KIAA1217: variants seen among roughly 807,000 people sequenced by gnomAD.
The protein encoded by KIAA1217 is sickle tail protein homolog.
KIAA1217 carries 88 observed loss-of-function variants against 163.9 expected under a neutral mutation model. That is an observed-to-expected ratio of 0.54 (90% CI 0.45 to 0.64). KIAA1217 has a LOEUF of 0.64. Among genes scored for constraint, KIAA1217 ranks in the 30% least tolerant of loss-of-function variants. The probability of loss-of-function intolerance (pLI) is 0.00; values close to 1 mark genes in which losing one functional copy is unlikely to be tolerated. For synonymous variants in KIAA1217, 903 were observed against 923.1 expected (o/e 0.98, Z 0.39); for missense variants, 2,372 against 2,475.0 (o/e 0.96, Z 0.88).
chr10:24,522,391 T>G (rs2134628551), intron 12 of KIAA1217, among the ~76,000 whole-genome samples: 2 of 152,248 alleles, frequency 1.3e-5, no homozygotes, highest in Middle Eastern at 6.8e-3. Context: ...TTGATTGAAA[T>G]AGTTTATTAG....
chr10:23,798,871 G>A (rs1446327409), intron 1 of KIAA1217, among the ~76,000 whole-genome samples: 2 of 152,184 alleles, frequency 1.3e-5, no homozygotes, highest in Non-Finnish European at 2.9e-5. Flanking sequence ...AGCAGATTGC[G>A]AAGAGCCTTT....
At chr10:23,818,351 A>ATATATATATATTTTTATAT (rs1554802292) in intron 1 of KIAA1217, among the ~76,000 whole-genome samples, 5 of 134,908 alleles carry the variant, frequency 3.7e-5, no homozygotes, top group Non-Finnish European at 7.8e-5. Context: ...TATATAAAAA[A>ATATATATATATTTTTATAT]ATATATATAT....
chr10:24,541,211 T>TA (rs1171151581), intron 17 of KIAA1217, among the ~76,000 whole-genome samples: 1 of 151,732 alleles, frequency 6.6e-6, no homozygotes. Context: ...TTATTTTTCT[T>TA]CTTTAAAACC....
At chr10:24,203,889 G>A (rs1458490785), upstream of KIAA1217, among the ~76,000 whole-genome samples, 1 of 152,230 alleles carries the variant, frequency 6.6e-6, no homozygotes, top group Non-Finnish European at 1.5e-5. Context: ...GCAGTGACCA[G>A]AGGGCAGAGC....
intron 1 of KIAA1217, among the ~76,000 whole-genome samples, chr10:23,755,228 G>A (rs978241696): frequency 3.3e-5 from 5 of 152,140 alleles, no homozygotes; most frequent in Non-Finnish European, 7.4e-5. Context: ...TAGATCTTTG[G>A]AGCTTATTGA....
intron 2 of KIAA1217, among the ~76,000 whole-genome samples, chr10:24,257,455 C>CT (rs1355254465): frequency 1.3e-5 from 2 of 152,082 alleles, no homozygotes; most frequent in Non-Finnish European, 2.9e-5. Flanking sequence ...TTCTCATTTT[C>CT]TTTTTTACTT....
Position 24,239,828 on chromosome 10 carries a change from GA to G in KIAA1217, c.354+19921del, listed in dbSNP as rs201064886. Among the ~76,000 whole-genome samples, 499 of 152,052 alleles carry G rather than the reference GA, an allele frequency of 3.3e-3. 4 individuals carry two copies. The highest frequency in any genetic ancestry group is 0.023 in the South Asian group (111 of 4,816). ...ATGGAATGTTGCAGAAATAATCTTT[GA>G]ATCAGGTTTATGAACATTGCACTTT... is the stretch of plus-strand genomic sequence containing the variant. On this transcript the variant is annotated intron_variant, in intron 2 of 20. Coordinates refer to ENST00000376454, the MANE Select transcript of KIAA1217 (RefSeq NM_019590.5).
rs552273268 is a variant in KIAA1217 at position 24,114,328 on chromosome 10, C to G, written c.-170-105298C>G. ...CACATTGTGCACATGTACCCTAAAACTTAAAGTATAATAATAATAATAATA... is the reference window on the plus strand; with the variant it reads ...CACATTGTGCACATGTACCCTAAAAGTTAAAGTATAATAATAATAATAATA... On this transcript the variant is annotated intron_variant, in intron 2 of 18. Coordinates refer to the KIAA1217 transcript ENST00000376462. Among the ~76,000 whole-genome samples, 7 of 151,988 alleles carry G rather than the reference C, an allele frequency of 4.6e-5. No homozygotes were observed. In the South Asian group the frequency reaches 1.5e-3, roughly 32 times the overall value.
chr10:23,998,956 GATGGTATATTTGGATATATATTCAAAT>G (rs148080815), intron 1 of KIAA1217, among the ~76,000 whole-genome samples: 25,398 of 152,170 alleles, frequency 0.17, 2,358 homozygotes, highest in Middle Eastern at 0.31. Context: ...CAGCACAACA[GATGGTATATTTGGATATATATTCAAAT>G]ATGCAGACTA....
intron 1 of KIAA1217, among the ~76,000 whole-genome samples, chr10:23,791,776 C>T (rs1835961377): frequency 1.3e-5 from 2 of 152,180 alleles, no homozygotes; most frequent in South Asian, 4.1e-4. Flanking sequence ...CTGCTAGATG[C>T]ATCTTGATCC....
intron 1 of KIAA1217, among the ~76,000 whole-genome samples, chr10:23,898,368 A>G (rs1055814275): frequency 7.2e-5 from 11 of 151,842 alleles, no homozygotes; most frequent in African/African-American, 2.7e-4. Context: ...CCATCAAACT[A>G]TACTAACACC....
chr10:23,865,903 C>A (rs1840156851), intron 1 of KIAA1217, among the ~76,000 whole-genome samples: 1 of 152,072 alleles, frequency 6.6e-6, no homozygotes, highest in Non-Finnish European at 1.5e-5. Context: ...ATATTCAAAT[C>A]TTTGTCTGGA....
chr10:24,389,042 A>G (rs2054452118), intron 3 of KIAA1217, among the ~76,000 whole-genome samples: 1 of 152,094 alleles, frequency 6.6e-6, no homozygotes, highest in African/African-American at 2.4e-5. Context: ...TGACCCAACC[A>G]TCCCATTACT....
At chr10:24,237,940 G>C (rs2131234310) in intron 2 of KIAA1217, among the ~76,000 whole-genome samples, 1 of 152,362 alleles carries the variant, frequency 6.6e-6, no homozygotes, top group East Asian at 1.9e-4. Flanking sequence ...CATTGGAGGA[G>C]AGGATCCAAA....
intron 1 of KIAA1217, among the ~76,000 whole-genome samples, chr10:23,772,754 C>T (rs1031490085): frequency 6.6e-6 from 1 of 152,150 alleles, no homozygotes; most frequent in Non-Finnish European, 1.5e-5. Context: ...TAGAATTAAT[C>T]CTATTGGATA....
At chr10:23,976,208 G>A (rs929960195) in intron 1 of KIAA1217, among the ~76,000 whole-genome samples, 1 of 152,118 alleles carries the variant, frequency 6.6e-6, no homozygotes, top group Non-Finnish European at 1.5e-5. Context: ...TGCATCTTAA[G>A]GAGATAAAGC....
chr10:23,920,457 A>G (rs555722456), intron 1 of KIAA1217, among the ~76,000 whole-genome samples: 22 of 152,332 alleles, frequency 1.4e-4, no homozygotes, highest in African/African-American at 5.3e-4. Flanking sequence ...GGGTGGACAT[A>G]GGATTCACTG....
chr10:24,280,704 G>T (rs2077820271), intron 2 of KIAA1217, among the ~76,000 whole-genome samples: 1 of 151,994 alleles, frequency 6.6e-6, no homozygotes, highest in Non-Finnish European at 1.5e-5. Context: ...CAGCTACTCA[G>T]GAGGCTGAAG....
At chr10:24,153,147 G>A (rs143277030) in intron 2 of KIAA1217, among the ~76,000 whole-genome samples, 1 of 152,298 alleles carries the variant, frequency 6.6e-6, no homozygotes, top group Non-Finnish European at 1.5e-5. Context: ...TGACTGTGGG[G>A]CTGTCTGTTT....
Sources: allele counts gnomAD v4.1 joint callset (sites outside exome capture counted in the v4.1 genomes callset), GRCh38; gene constraint gnomAD v4.1.1; transcripts MANE v1.5; gene names NCBI Gene and HGNC (gene_info 2026-07-23, HGNC 2026-07-21).